Variants in NAA11 observed in about 807,000 individuals in gnomAD.
NAA11 encodes the protein N-alpha-acetyltransferase 11, NatA catalytic subunit.
In NAA11, 15 loss-of-function variants were observed where a neutral mutation model predicts 16.1. The observed-to-expected ratio is 0.93, with a 90% CI of 0.62 to 1.44. The LOEUF (loss-of-function observed/expected upper bound fraction) is 1.44, where lower values mean the gene tolerates loss of function less well. Ranked by LOEUF, NAA11 falls within the 40% of genes most tolerant of loss-of-function variation. The pLI, the probability that NAA11 is intolerant of heterozygous loss-of-function variation, is 0.00. For synonymous variants in NAA11, 122 were observed against 112.4 expected, an observed-to-expected ratio of 1.09 and a Z score of -0.54; for missense variants, 298 against 291.3, an observed-to-expected ratio of 1.02 and a Z score of -0.17.
the NAA11 span, among the ~76,000 whole-genome samples, chr4:79,174,795 G>T: frequency 6.6e-6 from 1 of 152,130 alleles, no homozygotes. Context: ...CATAAAGGCA[G>T]GAGGTAGCCA....
chr4:79,169,025 A>T, the NAA11 span, among the ~76,000 whole-genome samples: 9 of 152,208 alleles, frequency 5.9e-5, no homozygotes, highest in Non-Finnish European at 1.3e-4. Flanking sequence ...AGGGAATAAA[A>T]TACCTAGGAA....
chr4:79,284,923 A>C (rs1337089834), intron 2 of NAA11, among the ~76,000 whole-genome samples: 1 of 151,638 alleles, frequency 6.6e-6, no homozygotes, highest in African/African-American at 2.4e-5. Flanking sequence ...TGAGGTCTTT[A>C]AGAATGTGCA....
intron 2 of NAA11, among the ~76,000 whole-genome samples, chr4:79,232,761 C>G (rs1257983137): frequency 1.3e-5 from 2 of 151,948 alleles, no homozygotes; most frequent in African/African-American, 2.4e-5. Context: ...GAATGCTTGA[C>G]AACTGCCATG....
At chr4:79,297,740 C>T (rs976624396) in intron 1 of NAA11, among the ~76,000 whole-genome samples, 7 of 152,168 alleles carry the variant, frequency 4.6e-5, no homozygotes, top group South Asian at 2.1e-4. Context: ...GAGGGCAGCT[C>T]GGCGCTGGCC....
chr4:79,267,090 A>G (rs904410252), intron 2 of NAA11, among the ~76,000 whole-genome samples: 7 of 152,174 alleles, frequency 4.6e-5, no homozygotes, highest in Non-Finnish European at 1.0e-4. Context: ...GAATCCTTTG[A>G]GTAGATATAA....
At chr4:79,273,164 A>T (rs887203947) in intron 2 of NAA11, among the ~76,000 whole-genome samples, 2 of 151,962 alleles carry the variant, frequency 1.3e-5, no homozygotes, top group African/African-American at 4.8e-5. Context: ...GACTCCATAG[A>T]TTCCACCTTT....
the NAA11 span, among the ~76,000 whole-genome samples, chr4:79,208,925 CAAAAA>C: frequency 2.8e-4 from 15 of 53,972 alleles, no homozygotes; most frequent in South Asian, 1.3e-3. Flanking sequence ...ATATAACTGC[CAAAAA>C]AAAAAAAAAA....
chr4:79,183,897 A>G, the NAA11 span, among the ~76,000 whole-genome samples: 1 of 152,194 alleles, frequency 6.6e-6, no homozygotes, highest in East Asian at 1.9e-4. Flanking sequence ...CACCAAAAAT[A>G]AGTTTAAATG....
chr4:79,237,278 AACAGCC>A (rs1411392144), intron 2 of NAA11, among the ~76,000 whole-genome samples: 2 of 152,166 alleles, frequency 1.3e-5, no homozygotes, highest in African/African-American at 4.8e-5. Flanking sequence ...GTAGTCTGAA[AACAGCC>A]ACTCCTAGCT....
intron 2 of NAA11, among the ~76,000 whole-genome samples, chr4:79,242,715 A>G (rs555708767): frequency 1.3e-5 from 2 of 152,340 alleles, no homozygotes; most frequent in South Asian, 4.1e-4. Context: ...TATGAACAAG[A>G]GAAGATATTT....
chr4:79,167,765 T>G, the NAA11 span, among the ~76,000 whole-genome samples: 1 of 152,126 alleles, frequency 6.6e-6, no homozygotes, highest in Non-Finnish European at 1.5e-5. Flanking sequence ...AGGAAAATTA[T>G]AATCATCATG....
chr4:79,168,033 C>T, the NAA11 span, among the ~76,000 whole-genome samples: 9 of 151,984 alleles, frequency 5.9e-5, no homozygotes, highest in African/African-American at 2.2e-4. Flanking sequence ...CCCCTACCCC[C>T]CAACAGGCCC....
chr4:79,238,747 G>A (rs1480560618), intron 2 of NAA11, among the ~76,000 whole-genome samples: 1 of 152,198 alleles, frequency 6.6e-6, no homozygotes, highest in Non-Finnish European at 1.5e-5. Context: ...TCAGTCATAA[G>A]AGATGTCTCC....
the NAA11 span, among the ~76,000 whole-genome samples, chr4:79,188,017 A>G: frequency 6.6e-6 from 1 of 151,406 alleles, no homozygotes; most frequent in East Asian, 1.9e-4. Flanking sequence ...AAAAAAAAAA[A>G]AAAAAAGAAA....
chr4:79,248,110 C>T (rs1721885517), intron 2 of NAA11, among the ~76,000 whole-genome samples: 1 of 152,176 alleles, frequency 6.6e-6, no homozygotes, highest in Non-Finnish European at 1.5e-5. Flanking sequence ...ACTGGCCTCT[C>T]CTAGGGCCCT....
chr4:79,182,667 C>A, the NAA11 span, among the ~76,000 whole-genome samples: 1 of 151,974 alleles, frequency 6.6e-6, no homozygotes, highest in Admixed American at 6.5e-5. Context: ...GACTAATGAG[C>A]GCTTCACTCA....
chr4:79,202,973 T>C, the NAA11 span, among the ~76,000 whole-genome samples: 1 of 151,504 alleles, frequency 6.6e-6, no homozygotes, highest in Non-Finnish European at 1.5e-5. Flanking sequence ...AAGCCAAATT[T>C]ATGGCTACAA....
At chr4:79,294,474 C>T (rs1440553090) in intron 1 of NAA11, among the ~76,000 whole-genome samples, 1 of 152,092 alleles carries the variant, frequency 6.6e-6, no homozygotes, top group African/African-American at 2.4e-5. Flanking sequence ...AATGCACATC[C>T]GAATCAAATT....
the NAA11 span, among the ~76,000 whole-genome samples, chr4:79,180,900 A>G: frequency 2.6e-5 from 4 of 152,212 alleles, no homozygotes; most frequent in South Asian, 8.3e-4. Context: ...CTATGCAGCC[A>G]TAAAAAAGGA....
Sources: allele counts gnomAD v4.1 joint callset (sites outside exome capture counted in the v4.1 genomes callset), GRCh38; gene constraint gnomAD v4.1.1; transcripts MANE v1.5; gene names NCBI Gene and HGNC (gene_info 2026-07-23, HGNC 2026-07-21).